Variants in PCNP observed in about 807,000 individuals in gnomAD.
PCNP encodes PEST proteolytic signal-containing nuclear protein.
In PCNP, 6 loss-of-function variants were observed where a neutral mutation model predicts 21.8. That is an observed-to-expected ratio of 0.28 (90% CI 0.15 to 0.54). PCNP has a LOEUF of 0.54. Among genes scored for constraint, PCNP ranks in the 20% least tolerant of loss-of-function variants. The pLI is 0.95. For synonymous variants in PCNP, 67 were observed against 73.2 expected, an observed-to-expected ratio of 0.92 and a Z score of 0.43; for missense variants, 161 against 215.5, an observed-to-expected ratio of 0.75 and a Z score of 1.58.
intron 1 of PCNP, chr3:101,576,523 C>T (rs1387389640): frequency 3.7e-6 from 6 of 1,610,336 alleles, no homozygotes; most frequent in Admixed American, 3.3e-5. Context: ...GGTGCGGCCA[C>T]GGCGGCCAGT....
chr3:101,590,920 G>C (rs1419596003), intron 4 of PCNP, among the ~76,000 whole-genome samples: 1 of 150,754 alleles, frequency 6.6e-6, no homozygotes, highest in Non-Finnish European at 1.5e-5. Context: ...GAAACAAATG[G>C]CTTTCAGTCA....
At chr3:101,576,920 G>A in intron 1 of PCNP, 1 of 1,591,166 alleles carries the variant, frequency 6.3e-7, no homozygotes, top group Admixed American at 1.7e-5. Flanking sequence ...AAAATATGCT[G>A]GAACTTTTCA....
At chr3:101,576,438 AT>A (rs982220909) in intron 1 of PCNP, 3 of 1,284,350 alleles carry the variant, frequency 2.3e-6, no homozygotes, top group African/African-American at 1.5e-5. Context: ...TTTATTTTTT[AT>A]TTTTTTCATA....
chr3:101,589,854 C>T, intron 3 of PCNP: 1 of 201,888 alleles, frequency 5.0e-6, no homozygotes, highest in Non-Finnish European at 9.9e-6. Context: ...ACTTTGTTAC[C>T]TCACCTGCAA....
At chr3:101,584,740 G>GT (rs1162857547) in intron 2 of PCNP, among the ~76,000 whole-genome samples, 1 of 151,934 alleles carries the variant, frequency 6.6e-6, no homozygotes, top group Non-Finnish European at 1.5e-5. Flanking sequence ...GATTTTTTGT[G>GT]TTTTTAGTAG....
At chr3:101,586,956 C>T (rs1185998622) in intron 3 of PCNP, among the ~76,000 whole-genome samples, 1 of 152,136 alleles carries the variant, frequency 6.6e-6, no homozygotes, top group Non-Finnish European at 1.5e-5. Context: ...TTTAGTGAAT[C>T]AAGAAATAAT....
At chr3:101,586,998 A>G (rs1385761278) in intron 3 of PCNP, among the ~76,000 whole-genome samples, 1 of 152,200 alleles carries the variant, frequency 6.6e-6, no homozygotes. Context: ...TCATGGCTGT[A>G]ATCCCAACAC....
At chr3:101,589,308 T>C (rs1182605967) in intron 3 of PCNP, among the ~76,000 whole-genome samples, 1 of 152,220 alleles carries the variant, frequency 6.6e-6, no homozygotes, top group Non-Finnish European at 1.5e-5. Flanking sequence ...AAGTAGTATT[T>C]AGCTAAGCAG....
intron 1 of PCNP, among the ~76,000 whole-genome samples, chr3:101,575,264 A>T (rs1934808996): frequency 6.6e-6 from 1 of 152,246 alleles, no homozygotes; most frequent in African/African-American, 2.4e-5. Context: ...AAATTATTTA[A>T]TATGAGAAAA....
Position 101,585,463 on chromosome 3 carries a change from T to C in PCNP, c.306T>C (p.Leu102=), listed in dbSNP as rs1935449511. Residue 102 remains leucine (L), a synonymous_variant, in exon 3 of 5, where the codon CTT becomes CTC. Coordinates refer to ENST00000265260, the MANE Select transcript of PCNP (RefSeq NM_020357.3). ...AGCCTAAAGAAACTGTTCCAACTCT[T>C]GCTCCAAAAACTCTTTCAGTAGCAG... The part of the protein sequence containing the change: ...SSKPKETVPT[L]APKTLSVAAA... 1 of 1,606,730 alleles carries C rather than the reference T, an allele frequency of 6.2e-7. No individual in the cohort carries two copies. The highest frequency in any genetic ancestry group is 8.5e-7 in the Non-Finnish European group (1 of 1,175,394).
At position 101,592,767 on chromosome 3, in the gene PCNP, A is replaced by G; in HGVS notation, c.*14A>G. ...CAAGACAATTAAATGATGTTTTGAA[A>G]TTGGGGTGTGGGGTGGGTGTAAAGT... On this transcript the variant is annotated 3_prime_UTR_variant, in exon 5 of 5. Coordinates refer to ENST00000265260, the MANE Select transcript of PCNP (RefSeq NM_020357.3). 6.2e-7 allele frequency: 1 copy of G among 1,610,724 alleles called. No individual in the cohort carries two copies. The highest frequency in any genetic ancestry group is 1.1e-5 in the South Asian group (1 of 90,464).
chr3:101,574,848 C>T (rs1189528693), intron 1 of PCNP: 4 of 152,552 alleles, frequency 2.6e-5, no homozygotes, highest in African/African-American at 9.6e-5. Flanking sequence ...AATATTGACC[C>T]TGTGACAGGA....
At chr3:101,579,266 G>T (rs1935101146) in intron 1 of PCNP, among the ~76,000 whole-genome samples, 1 of 152,022 alleles carries the variant, frequency 6.6e-6, no homozygotes, top group African/African-American at 2.4e-5. Context: ...ATGTACGTGA[G>T]GAACACATCA....
In PCNP at chr3:101,592,986, A is replaced by G; in HGVS notation, c.*233A>G. ...TGTAGTTTCATGTGATTAGTTTCCA[A>G]AGGTTACAGATAATAAAGAAATCAG... On this transcript the variant is annotated 3_prime_UTR_variant, in exon 5 of 5. Transcript: ENST00000265260. 1 of 301,694 alleles carries G rather than the reference A, an allele frequency of 3.3e-6. No homozygotes were observed. Among genetic ancestry groups the G allele is most frequent in the Non-Finnish European group, 6.1e-6 (1 of 165,252 alleles). 18.7% of individuals were successfully genotyped at this position (301,694 alleles called of 1,614,324 possible). A position where few individuals can be genotyped will look rare whatever the true frequency, so the allele number is the denominator to read the frequency against.
chr3:101,590,113 T>C, intron 3 of PCNP, 102 bp from the exon 4 acceptor site: 1 of 693,694 alleles, frequency 1.4e-6, no homozygotes, highest in Non-Finnish European at 2.6e-6. Context: ...TTTACAGTAG[T>C]GAAAATGCTA....
At chr3:101,588,379 G>A (rs1935642771) in intron 3 of PCNP, among the ~76,000 whole-genome samples, 1 of 152,100 alleles carries the variant, frequency 6.6e-6, no homozygotes, top group South Asian at 2.1e-4. Flanking sequence ...ATACCCTGCT[G>A]TTTTCCCTGC....
At position 101,581,575 on chromosome 3, in the gene PCNP, A is replaced by G. The variant is rs576091742; in HGVS notation, c.279+1571A>G. Among the ~76,000 whole-genome samples, 65 of 152,034 alleles carry G rather than the reference A, an allele frequency of 4.3e-4. No individual in the cohort carries two copies. In the South Asian group the frequency reaches 0.013, roughly 31 times the overall value. ...CAGCCTTCTGAGTAGCTGGGACCAC[A>G]GGTGCACGCCACCACGTCTGGCTAA... On this transcript the variant is annotated intron_variant, in intron 2 of 4. Coordinates refer to ENST00000265260, the MANE Select transcript of PCNP (RefSeq NM_020357.3).
intron 2 of PCNP, 105 bp from the exon 3 acceptor site, chr3:101,585,332 T>G: frequency 1.5e-6 from 1 of 685,406 alleles, no homozygotes; most frequent in Non-Finnish European, 2.4e-6. Flanking sequence ...TACAAATTTC[T>G]GTGGAAATAT....
intron 2 of PCNP, among the ~76,000 whole-genome samples, chr3:101,582,515 A>G (rs554445602): frequency 1.3e-5 from 2 of 152,346 alleles, no homozygotes; most frequent in South Asian, 2.1e-4. Context: ...ATATTAAAAA[A>G]AAATTGAAAT....
Sources: gnomAD v4.1 joint callset for allele counts (sites outside exome capture counted in the v4.1 genomes callset) on GRCh38, gnomAD v4.1.1 for gene constraint, MANE v1.5 for transcripts, NCBI Gene and HGNC (gene_info 2026-07-23, HGNC 2026-07-21) for gene names.